Variants in ROPN1L observed in about 807,000 individuals in gnomAD.
ROPN1L encodes the protein ropporin-1-like protein.
Under a neutral mutation model 22.7 loss-of-function variants are expected in ROPN1L, and 23 were observed. That is an observed-to-expected ratio of 1.01 (90% CI 0.73 to 1.43). The LOEUF (loss-of-function observed/expected upper bound fraction) is 1.43, where lower values mean the gene tolerates loss of function less well. ROPN1L is among the 40% of genes most tolerant of loss of function. The pLI is 0.00. For missense variants in ROPN1L, 271 were observed against 291.5 expected, an observed-to-expected ratio of 0.93 and a Z score of 0.51; for synonymous variants, 116 against 117.8, an observed-to-expected ratio of 0.98 and a Z score of 0.10.
chr5:10,468,990 C>T (rs1735202273), downstream of ROPN1L, among the ~76,000 whole-genome samples: 1 of 151,838 alleles, frequency 6.6e-6, no homozygotes, highest in Non-Finnish European at 1.5e-5. Flanking sequence ...CCCGTCTCTA[C>T]TAAAAATACA....
intron 3 of ROPN1L, among the ~76,000 whole-genome samples, chr5:10,457,918 T>A (rs1174098923): frequency 6.6e-6 from 1 of 152,022 alleles, no homozygotes; most frequent in Non-Finnish European, 1.5e-5. Context: ...GTCAGCCACC[T>A]CCGTGGCTGC....
the ROPN1L span, among the ~76,000 whole-genome samples, chr5:10,478,854 T>C: frequency 7.2e-5 from 11 of 152,218 alleles, no homozygotes; most frequent in African/African-American, 2.7e-4. Context: ...AGAATAGTTT[T>C]CTACTTATCT....
the ROPN1L span, chr5:10,479,465 T>G: frequency 6.6e-6 from 1 of 152,228 alleles, no homozygotes; most frequent in Non-Finnish European, 1.5e-5. Flanking sequence ...TTGGCAGAGT[T>G]GCAAACACGG....
chr5:10,463,198 G>T (rs1579658353), intron 4 of ROPN1L, among the ~76,000 whole-genome samples: 3 of 152,318 alleles, frequency 2.0e-5, no homozygotes, highest in East Asian at 1.9e-4. Context: ...GGAATATATT[G>T]TCCAGTGTTC....
chr5:10,464,472 G>T (rs755716529), intron 4 of ROPN1L, among the ~76,000 whole-genome samples: 3 of 152,102 alleles, frequency 2.0e-5, no homozygotes, highest in Non-Finnish European at 2.9e-5. Context: ...CGGCTACTCC[G>T]CCTGACAGAG....
chr5:10,452,592 C>T (rs544899728), intron 3 of ROPN1L, among the ~76,000 whole-genome samples: 4 of 151,380 alleles, frequency 2.6e-5, no homozygotes, highest in Non-Finnish European at 4.4e-5. Context: ...CCCGCCTCGG[C>T]CTCCCAAAAT....
At chr5:10,469,047 T>C (rs370771204), downstream of ROPN1L, among the ~76,000 whole-genome samples, 593 of 152,140 alleles carry the variant, frequency 3.9e-3, 3 homozygotes, top group African/African-American at 0.014. Context: ...CCCAGCTACT[T>C]GGGAGGCTGA....
In ROPN1L at chr5:10,458,553, TC is replaced by T. The variant is rs200963546; in HGVS notation, c.418-2624del. 8.5e-3 allele frequency among the ~76,000 whole-genome samples: 220 copies of T among 25,960 alleles called. 5 individuals carry two copies. The Admixed American group carries it at 0.1, about 12-fold the overall frequency. The allele number at this position is 25,960 out of a possible 152,430, so 17.0% of individuals were successfully genotyped here. On this transcript the variant is annotated intron_variant, in intron 3 of 4. Transcript: ENST00000274134. ...TGTACACCATCCCCCGTGTACACCA[TC>T]CCCCCCATGTACACCATCCCCCCTA...
At chr5:10,470,063 G>A (rs967732373) in intron 4 of ROPN1L, among the ~76,000 whole-genome samples, 7 of 152,192 alleles carry the variant, frequency 4.6e-5, no homozygotes, top group African/African-American at 1.4e-4. Flanking sequence ...AATGAGGAAT[G>A]AACACAGAAA....
chr5:10,476,963 G>C (rs1231089084), downstream of ROPN1L, among the ~76,000 whole-genome samples: 1 of 152,218 alleles, frequency 6.6e-6, no homozygotes, highest in Non-Finnish European at 1.5e-5. Context: ...CTTTTCTGTA[G>C]TGCATCATAT....
the ROPN1L span, among the ~76,000 whole-genome samples, chr5:10,482,715 C>A: frequency 6.6e-6 from 1 of 152,166 alleles, no homozygotes; most frequent in East Asian, 1.9e-4. Flanking sequence ...CCTCAAATTT[C>A]AGGTCAACTC....
intron 3 of ROPN1L, among the ~76,000 whole-genome samples, chr5:10,450,623 G>A (rs570969116): frequency 6.6e-6 from 1 of 152,114 alleles, no homozygotes; most frequent in Admixed American, 6.5e-5. Context: ...TCAGCCTCCC[G>A]AGTTGCTGAT....
chr5:10,474,468 G>C (rs1560931812), downstream of ROPN1L, among the ~76,000 whole-genome samples: 1 of 152,242 alleles, frequency 6.6e-6, no homozygotes, highest in Non-Finnish European at 1.5e-5. Context: ...CTGAGGACAT[G>C]AGGATGGCCT....
At chr5:10,460,273 C>T (rs1341501993) in intron 3 of ROPN1L, among the ~76,000 whole-genome samples, 5 of 152,236 alleles carry the variant, frequency 3.3e-5, no homozygotes, top group Admixed American at 6.5e-5. Context: ...AACAAACACA[C>T]AAACAGCTCA....
rs1369860485 is a variant in ROPN1L at position 10,462,258 on chromosome 5, C to T, written c.593+899C>T. 2.6e-5 allele frequency among the ~76,000 whole-genome samples: 4 copies of T among 152,202 alleles called. No individual in the cohort carries two copies. In the East Asian group the frequency reaches 5.8e-4, roughly 22 times the overall value. On this transcript the variant is annotated intron_variant, in intron 4 of 4. Transcript: ENST00000274134. ...ACAGATTTTACTTGTATGCCAGGAG[C>T]GGGGGTTGAAGACCAAATATATATT...
chr5:10,482,796 A>G, the ROPN1L span, among the ~76,000 whole-genome samples: 1 of 152,240 alleles, frequency 6.6e-6, no homozygotes, highest in Non-Finnish European at 1.5e-5. Context: ...ATCATGAGAT[A>G]AAATAATCTT....
intron 3 of ROPN1L, among the ~76,000 whole-genome samples, chr5:10,458,904 CG>C (rs1348112003): frequency 2.4e-5 from 2 of 82,016 alleles, no homozygotes; most frequent in African/African-American, 9.2e-5. Flanking sequence ...GTACACCATC[CG>C]CCTGTATGCC....
chr5:10,470,467 A>G (rs1013491456), intron 4 of ROPN1L, among the ~76,000 whole-genome samples: 28 of 152,166 alleles, frequency 1.8e-4, no homozygotes, highest in African/African-American at 6.8e-4. Flanking sequence ...CAACTCTTCC[A>G]TCCAACAGCA....
downstream of ROPN1L, among the ~76,000 whole-genome samples, chr5:10,469,783 T>C (rs1245891636): frequency 6.6e-6 from 1 of 152,190 alleles, no homozygotes; most frequent in Non-Finnish European, 1.5e-5. Flanking sequence ...ATTTCTTCTG[T>C]TGGTTTATGA....
Sources: allele counts gnomAD v4.1 joint callset (sites outside exome capture counted in the v4.1 genomes callset), GRCh38; gene constraint gnomAD v4.1.1; transcripts MANE v1.5; gene names NCBI Gene and HGNC (gene_info 2026-07-23, HGNC 2026-07-21).